KDM2A: variants seen among roughly 807,000 people sequenced by gnomAD.
The protein encoded by KDM2A is lysine demethylase 2A, also known as lysine-specific demethylase 2A.
Under a neutral mutation model 137.3 loss-of-function variants are expected in KDM2A, and 3 were observed. The ratio of observed to expected loss-of-function variants is 0.02; its 90% CI spans 0.01 to 0.06. The LOEUF (loss-of-function observed/expected upper bound fraction) is 0.06, where lower values mean the gene tolerates loss of function less well. Ranked by LOEUF, KDM2A falls within the 10% of genes least tolerant of loss-of-function variation. KDM2A has a pLI of 1.00. For missense variants in KDM2A, 738 were observed against 1,510.6 expected, an observed-to-expected ratio of 0.49 and a Z score of 8.48; for synonymous variants, 512 against 541.5, an observed-to-expected ratio of 0.95 and a Z score of 0.76.
At chr11:67,237,643 A>AT (rs1396924654) in intron 12 of KDM2A, among the ~76,000 whole-genome samples, 6 of 151,144 alleles carry the variant, frequency 4.0e-5, no homozygotes, top group East Asian at 1.9e-4. Context: ...AGGCTTACAG[A>AT]TTTTTTTTTG....
At position 67,250,607 on chromosome 11, in the gene KDM2A, AGAGGAG is replaced by A. The variant is rs752328206; in HGVS notation, c.2592_2597del (p.Glu865_Glu866del). The stretch of plus-strand genomic sequence containing the variant: ...AGGGGCTGGGGGGAGAGGAGGAGGA[AGAGGAG>A]GAGGAGGAGGAGGAAGATGACAGTG... On this transcript the variant is annotated inframe_deletion, in exon 17 of 21. Transcript: ENST00000529006. The surrounding 1 kb of genome is among the most constrained non-coding windows in gnomAD (Gnocchi z 7.1). 5.6e-5 allele frequency: 90 copies of A among 1,611,142 alleles called. No individual in the cohort carries two copies. The East Asian group carries it at 5.8e-4, about 10-fold the overall frequency.
intron 5 of KDM2A, among the ~76,000 whole-genome samples, chr11:67,200,484 TG>T (rs1857592811): frequency 6.6e-6 from 1 of 152,200 alleles, no homozygotes; most frequent in African/African-American, 2.4e-5. Context: ...CCCAAAGTGC[TG>T]GGATTATAGG....
intron 5 of KDM2A, among the ~76,000 whole-genome samples, chr11:67,203,014 AAAAAG>A (rs1462428078): frequency 1.3e-5 from 2 of 151,898 alleles, no homozygotes; most frequent in African/African-American, 4.8e-5. Context: ...AAAAAAAAAA[AAAAAG>A]AAAAACGGTT....
chr11:67,223,192 C>CAA (rs560774486), intron 10 of KDM2A, among the ~76,000 whole-genome samples: 279 of 89,390 alleles, frequency 3.1e-3, no homozygotes, highest in African/African-American at 6.0e-3. Context: ...AACTCCATCT[C>CAA]AAAAAAAAAA....
intron 5 of KDM2A, among the ~76,000 whole-genome samples, chr11:67,187,087 T>C (rs1460841983): frequency 6.6e-6 from 1 of 152,182 alleles, no homozygotes; most frequent in Non-Finnish European, 1.5e-5. Context: ...TAATTAAAAA[T>C]AGAATTTAAC....
intron 5 of KDM2A, among the ~76,000 whole-genome samples, chr11:67,206,480 T>C (rs1804282828): frequency 6.6e-6 from 1 of 152,160 alleles, no homozygotes. Flanking sequence ...CTCACGCCTG[T>C]AATCCTAGCA....
rs1565410152 is a variant in KDM2A at position 67,219,331 on chromosome 11, T to C, written c.885T>C (p.Phe295=). ...ATACTCCTACAGACACATTAGTGTT[T>C]GGGGGCAATTTTTTGCATAGCTTCA... is the stretch of plus-strand genomic sequence containing the variant. The part of the protein sequence containing the change: ...AVYTPTDTLV[F]GGNFLHSFNI... The change falls in exon 10 of 21, where the codon TTT becomes TTC. Residue 295 remains phenylalanine, a synonymous_variant. Transcript: ENST00000529006. The C allele has an allele frequency of 6.2e-7, 1 of 1,611,520 alleles. No homozygotes were observed. The highest frequency in any genetic ancestry group is 8.5e-7 in the Non-Finnish European group (1 of 1,178,818).
chr11:67,203,473 ATTAT>A (rs1857707020), intron 5 of KDM2A, among the ~76,000 whole-genome samples: 2 of 147,568 alleles, frequency 1.4e-5, no homozygotes, highest in Non-Finnish European at 3.0e-5. Context: ...ATTATTAATA[ATTAT>A]TAATATATAT....
intron 5 of KDM2A, among the ~76,000 whole-genome samples, chr11:67,201,054 C>T (rs889385408): frequency 6.6e-6 from 1 of 151,610 alleles, no homozygotes; most frequent in Non-Finnish European, 1.5e-5. Context: ...ATTAGCCGGG[C>T]GTGGTGGCGG....
intron 2 of KDM2A, among the ~76,000 whole-genome samples, chr11:67,179,301 T>C (rs1857036889): frequency 6.6e-6 from 1 of 152,258 alleles, no homozygotes; most frequent in East Asian, 1.9e-4. Context: ...GAGACGAAGT[T>C]TTGCTCTTGT....
intron 2 of KDM2A, among the ~76,000 whole-genome samples, chr11:67,138,670 A>T (rs528006466): frequency 6.6e-6 from 1 of 152,262 alleles, no homozygotes; most frequent in East Asian, 1.9e-4. Context: ...AATCCAACCT[A>T]CTAGGGAAGC....
chr11:67,207,913 TC>T (rs973541073), intron 6 of KDM2A, among the ~76,000 whole-genome samples: 2 of 151,750 alleles, frequency 1.3e-5, no homozygotes, highest in Non-Finnish European at 2.9e-5. Flanking sequence ...TGTCTGTAGT[TC>T]CAGCTACTCA....
chr11:67,245,996 T>G lies in KDM2A; in HGVS notation c.1845T>G (p.Pro615=). Residue 615 remains proline, a synonymous_variant, in exon 15 of 21, where the codon CCT becomes CCG. Transcript: ENST00000529006. This position sits in a 1 kb window ranked among gnomAD's most constrained non-coding sequence, Gnocchi z 4.1. ...VLRQCLAPRL[P]HSVTCSLCGE... The stretch of plus-strand genomic sequence containing the variant: ...TTGTCCTCTTGTAGCCCAGACTGCC[T>G]CACTCAGTCACATGTTCCCTCTGTG... 6.2e-7 allele frequency: 1 copy of G among 1,613,980 alleles called. No individual in the cohort carries two copies. The highest frequency in any genetic ancestry group is 8.5e-7 in the Non-Finnish European group (1 of 1,179,868).
chr11:67,205,504 T>A (rs536321215), intron 5 of KDM2A, among the ~76,000 whole-genome samples: 1 of 152,212 alleles, frequency 6.6e-6, no homozygotes, highest in South Asian at 2.1e-4. Context: ...TTTTTTTTTC[T>A]ACAGCCTCGA....
intron 2 of KDM2A, among the ~76,000 whole-genome samples, chr11:67,175,087 A>G (rs1346561034): frequency 3.3e-5 from 5 of 152,198 alleles, no homozygotes; most frequent in East Asian, 1.9e-4. Context: ...CCTTACTGTT[A>G]AAGTGGCCTT....
At chr11:67,248,414 A>G (rs1456139771) in intron 16 of KDM2A, 44 bp downstream of exon 16, 1 of 1,363,676 alleles carries the variant, frequency 7.3e-7, no homozygotes, top group Non-Finnish European at 1.0e-6. Context: ...GAAAGGAGGC[A>G]TCAAATGTGG....
At chr11:67,193,431 G>A (rs1331600233) in intron 5 of KDM2A, among the ~76,000 whole-genome samples, 1 of 152,174 alleles carries the variant, frequency 6.6e-6, no homozygotes, top group African/African-American at 2.4e-5. Flanking sequence ...AAACTTTCAT[G>A]TTCCCTTTTA....
chr11:67,176,876 G>A (rs1203060334), intron 2 of KDM2A, among the ~76,000 whole-genome samples: 1 of 152,150 alleles, frequency 6.6e-6, no homozygotes, highest in African/African-American at 2.4e-5. Context: ...GTCAGTGAGT[G>A]AATAGTGAGT....
chr11:67,248,882 G>C (rs1421609063), intron 16 of KDM2A, among the ~76,000 whole-genome samples: 1 of 152,208 alleles, frequency 6.6e-6, no homozygotes, highest in Non-Finnish European at 1.5e-5. Flanking sequence ...CCCCAGAGAG[G>C]ACCAGTGCTA....
Sources: allele counts gnomAD v4.1 joint callset (sites outside exome capture counted in the v4.1 genomes callset), GRCh38; gene constraint gnomAD v4.1.1; non-coding constraint Gnocchi (gnomAD v3.1); transcripts MANE v1.5; gene names NCBI Gene and HGNC (gene_info 2026-07-23, HGNC 2026-07-21).